The following CCR4 variants were observed in gnomAD, a reference collection of about 807,000 sequenced individuals.
CCR4 encodes C-C chemokine receptor type 4.
CCR4 carries 9 observed loss-of-function variants against 17.1 expected under a neutral mutation model. The ratio of observed to expected loss-of-function variants is 0.53; its 90% CI spans 0.32 to 0.92. The LOEUF is 0.92. Among genes scored for constraint, CCR4 ranks in the 40% least tolerant of loss-of-function variants. The pLI is 0.04. For missense variants in CCR4, 385 were observed against 433.9 expected, an observed-to-expected ratio of 0.89 and a Z score of 1.00; for synonymous variants, 217 against 174.3, an observed-to-expected ratio of 1.24 and a Z score of -1.93.
intron 1 of CCR4, among the ~76,000 whole-genome samples, chr3:32,952,829 G>A (rs1329538486): frequency 6.6e-6 from 1 of 152,208 alleles, no homozygotes; most frequent in Non-Finnish European, 1.5e-5. Context: ...GATAGGAAGT[G>A]AAGGTGGTTG....
chr3:32,954,458 T>C lies in CCR4; in HGVS notation c.1036T>C (p.Ser346Pro). 1 of 1,572,752 alleles carries C rather than the reference T, an allele frequency of 6.4e-7. No individual in the cohort carries two copies. The highest frequency in any genetic ancestry group is 1.2e-5 in the South Asian group (1 of 82,002). The part of the protein sequence containing the change: ...QIYSADTPSS[S>P]YTQSTMDHDL... ...TTACTCTGCTGACACCCCCAGCTCA[T>C]CTTACACGCAGTCCACCATGGATCA... The change falls in exon 2 of 2, where the codon TCT becomes CCT. Residue 346 changes from serine to proline, a missense_variant. Ser to Pro is a moderately conservative substitution (Grantham distance 74). Transcript: ENST00000330953.
intron 1 of CCR4, among the ~76,000 whole-genome samples, chr3:32,953,024 T>G (rs1697695355): frequency 6.6e-6 from 1 of 152,222 alleles, no homozygotes; most frequent in Non-Finnish European, 1.5e-5. Flanking sequence ...GAAAGTGATT[T>G]CAGTAACCCC....
At position 32,953,856 on chromosome 3, in the gene CCR4, C is replaced by T; in HGVS notation, c.434C>T (p.Ser145Phe). 1 of 1,614,094 alleles carries T rather than the reference C, an allele frequency of 6.2e-7. No homozygotes were observed. Among genetic ancestry groups the T allele is most frequent in the Non-Finnish European group, 8.5e-7 (1 of 1,180,024 alleles). The change falls in exon 2 of 2, where the codon TCC becomes TTC. Residue 145 changes from serine (S) to phenylalanine (F), a missense_variant. Coordinates refer to ENST00000330953, the MANE Select transcript of CCR4 (RefSeq NM_005508.5). ...RYLAIVHAVF[S>F]LRARTLTYGV... Reference sequence around the variant, plus strand: ...CTGGCAATTGTGCACGCGGTGTTTTCCTTGAGGGCAAGGACCTTGACTTAT... The same window carrying T: ...CTGGCAATTGTGCACGCGGTGTTTTTCTTGAGGGCAAGGACCTTGACTTAT...
rs1414641284 is a variant in CCR4, at chr3:32,953,905, A to G, written c.483A>G (p.Thr161=). 6.2e-6 allele frequency: 10 copies of G among 1,613,996 alleles called. No individual in the cohort carries two copies. In the Admixed American group the frequency reaches 1.0e-4, roughly 16 times the overall value. ...ATGGGGTCATCACCAGTTTGGCTAC[A>G]TGGTCAGTGGCTGTGTTCGCCTCCC... is the stretch of plus-strand genomic sequence containing the variant. ...LTYGVITSLA[T]WSVAVFASLP... Residue 161 remains threonine, a synonymous_variant, in exon 2 of 2, where the codon ACA becomes ACG. Transcript: ENST00000330953.
At chr3:32,952,743 C>T (rs1301802763) in intron 1 of CCR4, among the ~76,000 whole-genome samples, 1 of 152,190 alleles carries the variant, frequency 6.6e-6, no homozygotes, top group Non-Finnish European at 1.5e-5. Flanking sequence ...AGCCCTTCAG[C>T]CCTGAATTGC....
intron 1 of CCR4, among the ~76,000 whole-genome samples, chr3:32,952,525 CTGGGA>C (rs1232662290): frequency 3.3e-5 from 5 of 152,362 alleles, no homozygotes; most frequent in African/African-American, 1.2e-4. Context: ...TCCCGACGTG[CTGGGA>C]TTATAGGCGT....
intron 1 of CCR4, among the ~76,000 whole-genome samples, chr3:32,952,402 G>A (rs1697686477): frequency 1.3e-5 from 2 of 152,008 alleles, no homozygotes; most frequent in Admixed American, 6.6e-5. Flanking sequence ...CTATCAGCAC[G>A]TACCACCACA....
chr3:32,955,615 T>TG lies in CCR4; in HGVS notation c.*1110_*1111insG, dbSNP rs1271139518. The TG allele has an allele frequency of 2.7e-5, 4 of 149,790 alleles. No homozygotes were observed. Among genetic ancestry groups the TG allele is most frequent in the Non-Finnish European group, 6.3e-5 (4 of 63,306 alleles). The allele number at this position is 149,790 out of a possible 1,614,324, so 9.3% of individuals were successfully genotyped here. On this transcript the variant is annotated 3_prime_UTR_variant, in exon 2 of 2. Coordinates refer to ENST00000330953, the MANE Select transcript of CCR4 (RefSeq NM_005508.5). ...GAGGTCATTTACTTGTTTTTTTTTT[T>TG]TTTTTTTTTTTTGAGATGGAATCTT...
Position 32,953,736 on chromosome 3 carries a change from T to C in CCR4, c.314T>C (p.Phe105Ser), listed in dbSNP as rs1697719792. The change falls in exon 2 of 2, where the codon TTT (phenylalanine) becomes TCT (serine). Residue 105 changes from phenylalanine to serine, a missense_variant. Coordinates refer to ENST00000330953, the MANE Select transcript of CCR4 (RefSeq NM_005508.5). The stretch of plus-strand genomic sequence containing the variant: ...TACTATGCAGCAGACCAGTGGGTTT[T>C]TGGGCTAGGTCTGTGCAAGATGATT... ...WGYYAADQWV[F>S]GLGLCKMISW... The C allele has an allele frequency of 6.2e-7, 1 of 1,614,162 alleles. No homozygotes were observed. Among genetic ancestry groups the C allele is most frequent in the Non-Finnish European group, 8.5e-7 (1 of 1,180,036 alleles).
rs746529426 is a variant in CCR4 at position 32,954,503 on chromosome 3, T to C, written c.1081T>C (p.Ter361GlnextTer55). The C allele has an allele frequency of 1.3e-6, 2 of 1,516,482 alleles. No homozygotes were observed. The highest frequency in any genetic ancestry group is 2.3e-5 in the East Asian group (1 of 43,980). 93.9% of individuals were successfully genotyped at this position (1,516,482 alleles called of 1,614,324 possible). The change falls in exon 2 of 2, where the codon TAG becomes CAG. Residue 361 changes from the stop codon to glutamine (Q), a stop_lost. Transcript: ENST00000330953. ...TMDHDLHDAL* is the reference protein window; with the variant it reads ...TMDHDLHDALQ ...GGATCATGATCTCCATGATGCTCTG[T>C]AGAAAAATGAAATGGTGAAATGCAG...
At position 32,954,492 on chromosome 3, in the gene CCR4, A is replaced by C. The variant is rs758277819; in HGVS notation, c.1070A>C (p.His357Pro). 1 of 1,526,920 alleles carries C rather than the reference A, an allele frequency of 6.5e-7. No individual in the cohort carries two copies. The highest frequency in any genetic ancestry group is 1.4e-5 in the African/African-American group (1 of 71,840). The allele number at this position is 1,526,920 out of a possible 1,614,324, so 94.6% of individuals were successfully genotyped here. A position where few individuals can be genotyped will look rare whatever the true frequency, so the allele number is the denominator to read the frequency against. ...CAGTCCACCATGGATCATGATCTCC[A>C]TGATGCTCTGTAGAAAAATGAAATG... is the stretch of plus-strand genomic sequence containing the variant. ...YTQSTMDHDL[H>P]DAL Residue 357 changes from histidine (H) to proline (P), a missense_variant, in exon 2 of 2, where the codon CAT becomes CCT. Coordinates refer to ENST00000330953, the MANE Select transcript of CCR4 (RefSeq NM_005508.5).
rs1191713351 is a variant in CCR4 at position 32,955,604 on chromosome 3, G to GTTTTTTTTTTTT, written c.*1111_*1122dup. On this transcript the variant is annotated 3_prime_UTR_variant, in exon 2 of 2. Coordinates refer to ENST00000330953, the MANE Select transcript of CCR4 (RefSeq NM_005508.5). ...TACATTTATTTGAGGTCATTTACTT[G>GTTTTTTTTTTTT]TTTTTTTTTTTTTTTTTTTTTTTGA... 5.6e-4 allele frequency: 48 copies of GTTTTTTTTTTTT among 85,674 alleles called. 17 individuals are homozygous for GTTTTTTTTTTTT. The highest frequency in any genetic ancestry group is 4.6e-4 in the East Asian group (1 of 2,168). 5.3% of individuals were successfully genotyped at this position (85,674 alleles called of 1,614,324 possible).
chr3:32,954,158 G>C lies in CCR4; in HGVS notation c.736G>C (p.Ala246Pro). 1 of 1,614,124 alleles carries C rather than the reference G, an allele frequency of 6.2e-7. No individual in the cohort carries two copies. The highest frequency in any genetic ancestry group is 8.5e-7 in the Non-Finnish European group (1 of 1,180,006). ...GAACAAGGCGGTGAAGATGATCTTT[G>C]CCGTGGTGGTCCTCTTCCTTGGGTT... Reference protein sequence around the residue: ...KKNKAVKMIFAVVVLFLGFWT... With the variant: ...KKNKAVKMIFPVVVLFLGFWT... The change falls in exon 2 of 2, where the codon GCC (alanine) becomes CCC (proline). Residue 246 changes from alanine to proline, a missense_variant. Coordinates refer to ENST00000330953, the MANE Select transcript of CCR4 (RefSeq NM_005508.5).
chr3:32,953,746 T>C lies in CCR4; in HGVS notation c.324T>C (p.Gly108=), dbSNP rs1697719934. 1 of 1,614,088 alleles carries C rather than the reference T, an allele frequency of 6.2e-7. No individual in the cohort carries two copies. Among genetic ancestry groups the C allele is most frequent in the Non-Finnish European group, 8.5e-7 (1 of 1,180,030 alleles). The change falls in exon 2 of 2, where the codon GGT becomes GGC. Residue 108 remains glycine (G), a synonymous_variant. Transcript: ENST00000330953. ...CAGACCAGTGGGTTTTTGGGCTAGG[T>C]CTGTGCAAGATGATTTCCTGGATGT... ...YAADQWVFGL[G]LCKMISWMYL... is the part of the protein sequence containing the mutation.
At position 32,954,422 on chromosome 3, in the gene CCR4, C is replaced by G. The variant is rs371348585; in HGVS notation, c.1000C>G (p.Leu334Val). 33 of 1,601,248 alleles carry G rather than the reference C, an allele frequency of 2.1e-5. No individual in the cohort carries two copies. The highest frequency in any genetic ancestry group is 2.6e-5 in the Non-Finnish European group (31 of 1,175,428). Residue 334 changes from leucine (L) to valine (V), a missense_variant, in exon 2 of 2, where the codon CTC becomes GTC. Coordinates refer to ENST00000330953, the MANE Select transcript of CCR4 (RefSeq NM_005508.5). ...GLFVLCQYCGLLQIYSADTPS... is the reference protein window; with the variant it reads ...GLFVLCQYCGVLQIYSADTPS... ...TTTTGTGCTCTGCCAATACTGTGGG[C>G]TCCTCCAAATTTACTCTGCTGACAC...
At position 32,953,711 on chromosome 3, in the gene CCR4, T is replaced by C. The variant is rs764168638; in HGVS notation, c.289T>C (p.Tyr97His). Reference sequence around the variant, plus strand: ...CGTGTTTTCCCTCCCTTTTTGGGGCTACTATGCAGCAGACCAGTGGGTTTT... The same window carrying C: ...CGTGTTTTCCCTCCCTTTTTGGGGCCACTATGCAGCAGACCAGTGGGTTTT... ...LFVFSLPFWGYYAADQWVFGL... is the reference protein window; with the variant it reads ...LFVFSLPFWGHYAADQWVFGL... The change falls in exon 2 of 2, where the codon TAC (tyrosine) becomes CAC (histidine). Residue 97 changes from tyrosine (Y) to histidine (H), a missense_variant. Tyr to His is a moderately conservative substitution (Grantham distance 83). Transcript: ENST00000330953. The C allele has an allele frequency of 6.2e-6, 10 of 1,614,170 alleles. No individual in the cohort carries two copies. The highest frequency in any genetic ancestry group is 1.1e-5 in the South Asian group (1 of 91,074).
intron 1 of CCR4, among the ~76,000 whole-genome samples, 157 bp from the exon 2 acceptor site, chr3:32,953,215 G>A (rs571404752): frequency 2.0e-5 from 3 of 152,216 alleles, no homozygotes; most frequent in African/African-American, 4.8e-5. Flanking sequence ...AAATTATTTC[G>A]TCTGGCTGCA....
chr3:32,955,593 G>C lies in CCR4; in HGVS notation c.*1088G>C, dbSNP rs1317382291. On this transcript the variant is annotated 3_prime_UTR_variant, in exon 2 of 2. Transcript: ENST00000330953. ...TAGGCCAAGAATACATTTATTTGAG[G>C]TCATTTACTTGTTTTTTTTTTTTTT... The C allele has an allele frequency of 1.9e-5, 3 of 160,880 alleles. No homozygotes were observed. The highest frequency in any genetic ancestry group is 4.3e-4 in the South Asian group (2 of 4,680). The allele number at this position is 160,880 out of a possible 1,614,324, so 10.0% of individuals were successfully genotyped here.
chr3:32,954,083 TG>T lies in CCR4; in HGVS notation c.662del (p.Cys221SerfsTer4). The T allele has an allele frequency of 6.2e-7, 1 of 1,614,080 alleles. No homozygotes were observed. Among genetic ancestry groups the T allele is most frequent in the Non-Finnish European group, 8.5e-7 (1 of 1,179,930 alleles). On this transcript the variant is annotated frameshift_variant, in exon 2 of 2. Transcript: ENST00000330953. LOFTEE classifies it high-confidence loss of function. ...GATCCCCTTAGGGATCATGCTGTTTTGCTACTCCATGATCATCAGGACCTTG... is the reference window on the plus strand; with the variant it reads ...GATCCCCTTAGGGATCATGCTGTTTTCTACTCCATGATCATCAGGACCTTG... ...LVIPLGIMLF[C>X]YSMIIRTLQH...
Sources: gnomAD v4.1 joint callset for allele counts (sites outside exome capture counted in the v4.1 genomes callset) on GRCh38, gnomAD v4.1.1 for gene constraint, MANE v1.5 for transcripts, NCBI Gene and HGNC (gene_info 2026-07-23, HGNC 2026-07-21) for gene names.